The following ATXN1 variants were observed in gnomAD, a reference collection of about 807,000 sequenced individuals.
ATXN1 encodes the protein ataxin-1.
In ATXN1, 8 loss-of-function variants were observed where a neutral mutation model predicts 56.4. That is an observed-to-expected ratio of 0.14 (90% CI 0.08 to 0.26). The LOEUF (loss-of-function observed/expected upper bound fraction) is 0.26. Ranked by LOEUF, ATXN1 falls within the 10% of genes least tolerant of loss-of-function variation. The pLI is 1.00. For synonymous variants in ATXN1, 514 were observed against 494.6 expected, an observed-to-expected ratio of 1.04 and a Z score of -0.52; for missense variants, 987 against 1,106.5, an observed-to-expected ratio of 0.89 and a Z score of 1.53.
At chr6:16,597,620 A>C (rs887513564) in intron 3 of ATXN1, among the ~76,000 whole-genome samples, 1 of 151,940 alleles carries the variant, frequency 6.6e-6, no homozygotes, top group African/African-American at 2.4e-5. Context: ...TTGTATTTTC[A>C]GTCGAGACGG....
chr6:16,722,023 G>A (rs911252115), intron 2 of ATXN1, among the ~76,000 whole-genome samples: 4 of 152,260 alleles, frequency 2.6e-5, no homozygotes, highest in African/African-American at 9.6e-5. Flanking sequence ...TGCAGTGGCC[G>A]CAAAGGGGCA....
intron 2 of ATXN1, among the ~76,000 whole-genome samples, chr6:16,674,499 A>G (rs1339251834): frequency 2.7e-5 from 4 of 148,544 alleles, no homozygotes; most frequent in Non-Finnish European, 5.9e-5. Flanking sequence ...ACAGGCGCCC[A>G]CCACCACGCC....
intron 4 of ATXN1, among the ~76,000 whole-genome samples, chr6:16,523,206 T>C (rs1340122049): frequency 3.3e-5 from 5 of 152,190 alleles, no homozygotes; most frequent in Non-Finnish European, 7.3e-5. Flanking sequence ...CCAGCCGTGT[T>C]TTATTTTTTT....
At chr6:16,468,590 C>A (rs1332984540) in intron 6 of ATXN1, among the ~76,000 whole-genome samples, 1 of 152,124 alleles carries the variant, frequency 6.6e-6, no homozygotes, top group Non-Finnish European at 1.5e-5. Context: ...GTCACTGGAA[C>A]CAGTAAGCGA....
rs61228681 is a variant in ATXN1, at chr6:16,618,753, GA to G, written c.-488-32847del. Among the ~76,000 whole-genome samples the G allele has an allele frequency of 6.6e-3, 936 of 142,140 alleles. 12 individuals are homozygous for G. The highest frequency in any genetic ancestry group is 0.022 in the African/African-American group (837 of 38,402). 93.2% of individuals were successfully genotyped at this position (142,140 alleles called of 152,430 possible). A position where few individuals can be genotyped will look rare whatever the true frequency, so the allele number is the denominator to read the frequency against. On this transcript the variant is annotated intron_variant, in intron 3 of 7. Coordinates refer to ENST00000436367, the MANE Select transcript of ATXN1 (RefSeq NM_001128164.2). ...AAAAAAAAAAAGGATTCAACTGTGG[GA>G]AAAAAAAAAAGCAAAACACTTTTTG...
intron 3 of ATXN1, among the ~76,000 whole-genome samples, chr6:16,596,547 A>C (rs904207466): frequency 6.6e-6 from 1 of 152,208 alleles, no homozygotes; most frequent in Admixed American, 6.5e-5. Flanking sequence ...ATGACTTTGG[A>C]TTCCTATGTC....
chr6:16,651,448 G>A (rs950614061), intron 3 of ATXN1, among the ~76,000 whole-genome samples: 11 of 151,938 alleles, frequency 7.2e-5, no homozygotes, highest in African/African-American at 2.7e-4. Flanking sequence ...GGAGGCTGAG[G>A]CAGGAGAATC....
intron 4 of ATXN1, among the ~76,000 whole-genome samples, chr6:16,560,395 C>A (rs1762094730): frequency 6.6e-6 from 1 of 151,948 alleles, no homozygotes; most frequent in Admixed American, 6.6e-5. Flanking sequence ...CACCATTGCA[C>A]TCCAGTTTGG....
chr6:16,488,616 T>C lies in ATXN1; in HGVS notation c.-298-2507A>G, dbSNP rs146531341. Among the ~76,000 whole-genome samples, 433 of 152,294 alleles carry C rather than the reference T, an allele frequency of 2.8e-3. 2 individuals are homozygous for C. Among genetic ancestry groups the C allele is most frequent in the African/African-American group, 9.1e-3 (379 of 41,572 alleles). ...AACTTAATTCTTCCACTAAGGAAAA[T>C]CAGTAGTTTGCTTTCTTCATCCTAC... is the stretch of plus-strand genomic sequence containing the variant. On this transcript the variant is annotated intron_variant, in intron 5 of 7. Coordinates refer to ENST00000436367, the MANE Select transcript of ATXN1 (RefSeq NM_001128164.2).
intron 6 of ATXN1, among the ~76,000 whole-genome samples, chr6:16,456,080 C>T (rs1022372422): frequency 1.3e-5 from 2 of 152,206 alleles, no homozygotes; most frequent in East Asian, 3.8e-4. Flanking sequence ...GGGTCCCCTT[C>T]CACGCTGGGG....
chr6:16,508,847 C>G (rs924501209), intron 5 of ATXN1, among the ~76,000 whole-genome samples: 5 of 151,996 alleles, frequency 3.3e-5, no homozygotes, highest in Non-Finnish European at 4.4e-5. Context: ...TCACAGTAAC[C>G]AAAAGGTGGA....
rs201985626 is a variant in ATXN1 at position 16,327,963 on chromosome 6, G to A, written c.348C>T (p.Ser116=). 3 of 1,613,260 alleles carry A rather than the reference G, an allele frequency of 1.9e-6. No individual in the cohort carries two copies. Among genetic ancestry groups the A allele is most frequent in the Admixed American group, 3.3e-5 (2 of 60,022 alleles). Residue 116 remains serine, a synonymous_variant, in exon 7 of 8, where the codon TCC becomes TCT. Transcript: ENST00000436367. The stretch of plus-strand genomic sequence containing the variant: ...GCGGCAGGTGAGCGTACTGCACGGG[G>A]GACACCGGGGTCCCTGGCTGCGGGG... ...YATPQPGTPV[S]PVQYAHLPHT... is the part of the protein sequence containing the mutation.
chr6:16,396,369 C>T (rs1257757219), intron 6 of ATXN1, among the ~76,000 whole-genome samples: 1 of 151,968 alleles, frequency 6.6e-6, no homozygotes, highest in South Asian at 2.1e-4. Context: ...GGCTTGAGCC[C>T]GGGTGCGCGA....
chr6:16,759,904 G>C (rs980034473), intron 1 of ATXN1, among the ~76,000 whole-genome samples: 7 of 152,094 alleles, frequency 4.6e-5, no homozygotes, highest in Non-Finnish European at 8.8e-5. Context: ...AAGAGGGGTC[G>C]GGGCGCTGCA....
chr6:16,710,653 T>C (rs1349575691), intron 2 of ATXN1, among the ~76,000 whole-genome samples: 1 of 152,198 alleles, frequency 6.6e-6, no homozygotes, highest in Non-Finnish European at 1.5e-5. Flanking sequence ...AGTGGCATGA[T>C]CACAGCTCAC....
intron 3 of ATXN1, among the ~76,000 whole-genome samples, chr6:16,613,130 T>C (rs1260665734): frequency 6.7e-6 from 1 of 149,476 alleles, no homozygotes; most frequent in Non-Finnish European, 1.5e-5. Flanking sequence ...CCGGGCGCGG[T>C]GGCGGGCGCC....
intron 5 of ATXN1, among the ~76,000 whole-genome samples, chr6:16,495,100 T>TA (rs751725607): frequency 1.1e-4 from 17 of 152,230 alleles, no homozygotes; most frequent in Non-Finnish European, 2.4e-4. Context: ...CCTCATGCTT[T>TA]GATAATTTCT....
At chr6:16,574,579 A>G (rs1488623829) in intron 4 of ATXN1, among the ~76,000 whole-genome samples, 1 of 152,166 alleles carries the variant, frequency 6.6e-6, no homozygotes, top group Non-Finnish European at 1.5e-5. Flanking sequence ...TCCTGACCTC[A>G]AGTGATCTGC....
At chr6:16,382,299 C>CA (rs56015325) in intron 6 of ATXN1, among the ~76,000 whole-genome samples, 5,592 of 124,628 alleles carry the variant, frequency 0.045, 150 homozygotes, top group Non-Finnish European at 0.06. Context: ...GATTCCATCT[C>CA]AAAAAAAAAA....
Sources: gnomAD v4.1 joint callset for allele counts (sites outside exome capture counted in the v4.1 genomes callset) on GRCh38, gnomAD v4.1.1 for gene constraint, MANE v1.5 for transcripts, NCBI Gene and HGNC (gene_info 2026-07-23, HGNC 2026-07-21) for gene names.